CDKL4: variants seen among roughly 807,000 people sequenced by gnomAD.
CDKL4 encodes cyclin dependent kinase like 4.
A neutral mutation model predicts 42.0 loss-of-function variants in CDKL4; 44 were observed. The ratio of observed to expected loss-of-function variants is 1.05; its 90% CI spans 0.82 to 1.35. CDKL4 has a LOEUF of 1.35. Among genes scored for constraint, CDKL4 ranks in the 40% most tolerant of loss-of-function variants. The pLI, the probability that CDKL4 is intolerant of heterozygous loss-of-function variation, is 0.00. For synonymous variants in CDKL4, 120 were observed against 121.6 expected, an observed-to-expected ratio of 0.99 and a Z score of 0.09; for missense variants, 393 against 369.9, an observed-to-expected ratio of 1.06 and a Z score of -0.51.
At chr2:39,205,490 G>A (rs911594056) in intron 4 of CDKL4, among the ~76,000 whole-genome samples, 1 of 152,044 alleles carries the variant, frequency 6.6e-6, no homozygotes, top group Non-Finnish European at 1.5e-5. Context: ...AGCCGGGCTC[G>A]GTGGCTCGCG....
chr2:39,209,216 G>A (rs1212482408), intron 4 of CDKL4, among the ~76,000 whole-genome samples: 1 of 151,816 alleles, frequency 6.6e-6, no homozygotes, highest in Non-Finnish European at 1.5e-5. Flanking sequence ...GGAGGCTAAG[G>A]TGGAAGGATT....
chr2:39,226,681 G>A (rs1015419983), intron 2 of CDKL4, among the ~76,000 whole-genome samples: 2 of 151,628 alleles, frequency 1.3e-5, no homozygotes, highest in African/African-American at 4.8e-5. Flanking sequence ...TCCAAACTAG[G>A]GTAATGGGTA....
intron 3 of CDKL4, among the ~76,000 whole-genome samples, chr2:39,225,145 G>A (rs1678618928): frequency 6.6e-6 from 1 of 152,056 alleles, no homozygotes; most frequent in Non-Finnish European, 1.5e-5. Flanking sequence ...AGAGGGGTGT[G>A]TGTGCCAACA....
intron 9 of CDKL4, among the ~76,000 whole-genome samples, chr2:39,178,199 T>C (rs1219258465): frequency 6.6e-6 from 1 of 152,224 alleles, no homozygotes; most frequent in African/African-American, 2.4e-5. Context: ...TGATTTAACA[T>C]TTCATCTTCT....
In CDKL4 at chr2:39,236,307, T is replaced by C. The variant is rs759230884; in HGVS notation, c.-56-6719A>G. On this transcript the variant is annotated intron_variant, in intron 1 of 9. Coordinates refer to ENST00000451199, the Ensembl canonical transcript of CDKL4. ...AGATGAACAGAGCCTCAGAGACCGATGGAGGCAAAATCAATACTACCAATA... is the reference window on the plus strand; with the variant it reads ...AGATGAACAGAGCCTCAGAGACCGACGGAGGCAAAATCAATACTACCAATA... 6.1e-4 allele frequency among the ~76,000 whole-genome samples: 92 copies of C among 152,028 alleles called. 4 individuals carry two copies. Among genetic ancestry groups the C allele is most frequent in the Non-Finnish European group, 2.6e-4 (18 of 67,982 alleles).
At chr2:39,219,228 CTGT>C (rs1204966810) in intron 3 of CDKL4, among the ~76,000 whole-genome samples, 1 of 152,102 alleles carries the variant, frequency 6.6e-6, no homozygotes, top group Admixed American at 6.5e-5. Context: ...AGAGTGAATT[CTGT>C]TGTTGAATCC....
the CDKL4 span, among the ~76,000 whole-genome samples, chr2:39,168,782 C>T: frequency 1.3e-5 from 2 of 149,670 alleles, no homozygotes; most frequent in African/African-American, 4.9e-5. Flanking sequence ...TTTTGAGACA[C>T]AGTCTCACTC....
chr2:39,235,256 C>G (rs928399973), intron 1 of CDKL4, among the ~76,000 whole-genome samples: 1 of 151,996 alleles, frequency 6.6e-6, no homozygotes, highest in Non-Finnish European at 1.5e-5. Flanking sequence ...AGGCCTTCAT[C>G]CAATCAAGAG....
intron 4 of CDKL4, among the ~76,000 whole-genome samples, chr2:39,209,039 G>A (rs1358432235): frequency 6.6e-6 from 1 of 151,374 alleles, no homozygotes; most frequent in Non-Finnish European, 1.5e-5. Flanking sequence ...GGTGGCTCAT[G>A]CTTGTAATCC....
chr2:39,179,235 T>G, exon 9 of CDKL4: 1 of 1,613,664 alleles, frequency 6.2e-7, no homozygotes, highest in South Asian at 1.1e-5. Flanking sequence ...TTCTTTTAAT[T>G]TGGGCCTCTT....
At chr2:39,182,388 A>G (rs1675489406) in intron 8 of CDKL4, among the ~76,000 whole-genome samples, 1 of 152,236 alleles carries the variant, frequency 6.6e-6, no homozygotes, top group South Asian at 2.1e-4. Context: ...TTAGATTCTT[A>G]GAAGACACTG....
chr2:39,245,872 T>A (rs1017459673), upstream of CDKL4, among the ~76,000 whole-genome samples: 8 of 152,184 alleles, frequency 5.3e-5, no homozygotes, highest in Non-Finnish European at 1.0e-4. Context: ...TTTTCCTAAT[T>A]CACCTAGCAT....
chr2:39,190,233 AT>A (rs1471259450), intron 6 of CDKL4, 71 bp downstream of exon 6: 13 of 998,450 alleles, frequency 1.3e-5, no homozygotes, highest in Non-Finnish European at 1.6e-5. Context: ...TTATTTATTT[AT>A]TTTTTATTAT....
At chr2:39,207,157 G>A (rs909431496) in intron 4 of CDKL4, among the ~76,000 whole-genome samples, 2 of 152,148 alleles carry the variant, frequency 1.3e-5, no homozygotes, top group African/African-American at 4.8e-5. Flanking sequence ...AGGCCAAGGT[G>A]GGCGGATCGC....
intron 9 of CDKL4, among the ~76,000 whole-genome samples, chr2:39,177,603 C>T (rs1295310116): frequency 6.6e-6 from 1 of 151,266 alleles, no homozygotes; most frequent in African/African-American, 2.4e-5. Context: ...TGGGGTTTTG[C>T]CATGTTGGCC....
At chr2:39,179,038 A>G (rs1572935875) in intron 9 of CDKL4, 149 bp downstream of exon 9, 1 of 1,486,518 alleles carries the variant, frequency 6.7e-7, no homozygotes, top group Non-Finnish European at 8.9e-7. Flanking sequence ...TATTACATCA[A>G]TTACCAATAT....
intron 6 of CDKL4, 123 bp downstream of exon 6, chr2:39,190,182 G>C (rs1676091498): frequency 9.0e-6 from 6 of 667,576 alleles, no homozygotes; most frequent in Admixed American, 6.8e-5. Context: ...ACCATCCTGA[G>C]TGACACTTTG....
At chr2:39,213,450 T>C (rs1478076953) in exon 4 of CDKL4, 6 of 1,611,352 alleles carry the variant, frequency 3.7e-6, no homozygotes, top group Non-Finnish European at 5.1e-6. Context: ...CATAATACGC[T>C]TTTGATCACT....
At chr2:39,197,620 T>C (rs181120855) in intron 5 of CDKL4, among the ~76,000 whole-genome samples, 56 of 152,320 alleles carry the variant, frequency 3.7e-4, no homozygotes, top group African/African-American at 1.2e-3. Context: ...GGAAAACCTA[T>C]CAGATTAACA....
Sources: gnomAD v4.1 joint callset for allele counts (sites outside exome capture counted in the v4.1 genomes callset) on GRCh38, gnomAD v4.1.1 for gene constraint, MANE v1.5 for transcripts, NCBI Gene and HGNC (gene_info 2026-07-23, HGNC 2026-07-21) for gene names.